Variants in CASP9 observed in about 807,000 individuals in gnomAD.
CASP9 encodes caspase 9.
CASP9 carries 29 observed loss-of-function variants against 43.5 expected under a neutral mutation model. The ratio of observed to expected loss-of-function variants is 0.67; its 90% CI spans 0.50 to 0.91. CASP9 has a LOEUF of 0.91. Ranked by LOEUF, CASP9 falls within the 40% of genes least tolerant of loss-of-function variation. The pLI is 0.00. For missense variants in CASP9, 575 were observed against 537.4 expected (o/e 1.07, Z -0.69); for synonymous variants, 206 against 211.9 (o/e 0.97, Z 0.24).
rs941120291 is a variant in CASP9 at position 15,495,525 on chromosome 1, G to A, written c.869-73C>T. 2.6e-5 allele frequency: 33 copies of A among 1,285,808 alleles called. No homozygotes were observed. The Admixed American group carries it at 3.0e-4, about 12-fold the overall frequency. 79.6% of individuals were successfully genotyped at this position (1,285,808 alleles called of 1,614,324 possible). A position where few individuals can be genotyped will look rare whatever the true frequency, so the allele number is the denominator to read the frequency against. ...AAGGATGGTTCAACATATGAAAGTC[G>A]GTGCAATATACTACATTAACAGTGT... On this transcript the variant is annotated intron_variant, in intron 6 of 8. Transcript: ENST00000333868.
intron 2 of CASP9, among the ~76,000 whole-genome samples, chr1:15,511,124 T>C (rs548659436): frequency 3.3e-5 from 5 of 152,018 alleles, no homozygotes; most frequent in Non-Finnish European, 5.9e-5. Flanking sequence ...AAAAAACAGG[T>C]GTCTACCTAG....
At chr1:15,501,621 C>T (rs960113278) in intron 6 of CASP9, among the ~76,000 whole-genome samples, 1 of 152,158 alleles carries the variant, frequency 6.6e-6, no homozygotes, top group African/African-American at 2.4e-5. Context: ...CACCAGGTCA[C>T]GCAGCCTGCG....
chr1:15,495,578 A>G (rs4646090), intron 6 of CASP9, 126 bp from the exon 7 acceptor site: 269,903 of 858,676 alleles, frequency 0.31, 44,520 homozygotes, highest in East Asian at 0.57. Flanking sequence ...TGGGACCCCA[A>G]ACTCATTAAG....
intron 2 of CASP9, among the ~76,000 whole-genome samples, chr1:15,516,495 A>AG (rs1288225976): frequency 6.6e-6 from 1 of 150,870 alleles, no homozygotes; most frequent in Non-Finnish European, 1.5e-5. Flanking sequence ...AAAAAAAAAA[A>AG]GACACAATTT....
chr1:15,512,308 G>A (rs1172817309), intron 2 of CASP9, among the ~76,000 whole-genome samples: 8 of 152,176 alleles, frequency 5.3e-5, no homozygotes, highest in Non-Finnish European at 1.2e-4. Context: ...CAGGGTGCCT[G>A]TGAGAGTGTT....
intron 1 of CASP9, among the ~76,000 whole-genome samples, chr1:15,522,983 C>T (rs887460158): frequency 2.0e-5 from 3 of 152,188 alleles, no homozygotes; most frequent in African/African-American, 4.8e-5. Flanking sequence ...TATTTAAAGA[C>T]TCTTTCCCTG....
chr1:15,507,733 G>A, intron 3 of CASP9, 140 bp downstream of exon 3: 1 of 740,046 alleles, frequency 1.4e-6, no homozygotes, highest in Non-Finnish European at 2.3e-6. Context: ...CGGAGTCAGG[G>A]AGGCTGAGAC....
chr1:15,494,946 G>A (rs562365721), intron 7 of CASP9, among the ~76,000 whole-genome samples: 19 of 151,126 alleles, frequency 1.3e-4, no homozygotes, highest in South Asian at 8.4e-4. Context: ...GCTCAGTGAC[G>A]TGCCAGCCAC....
chr1:15,522,645 G>A (rs1710249710), intron 1 of CASP9, among the ~76,000 whole-genome samples: 2 of 152,200 alleles, frequency 1.3e-5, no homozygotes, highest in South Asian at 4.1e-4. Context: ...AGCCCAGGAG[G>A]TCAAGGTCGC....
intron 2 of CASP9, among the ~76,000 whole-genome samples, chr1:15,511,406 AT>A (rs35550418): frequency 0.31 from 44,620 of 143,314 alleles, 7,063 homozygotes; most frequent in East Asian, 0.58. Flanking sequence ...ACCACACCTA[AT>A]TTTTTTTTTT....
chr1:15,502,567 C>T lies in CASP9; in HGVS notation c.868+2044G>A, dbSNP rs186465355. On this transcript the variant is annotated intron_variant, in intron 6 of 8. Coordinates refer to ENST00000333868, the MANE Select transcript of CASP9 (RefSeq NM_001229.5). ...GGAAGGCTGGGCCGTGCTGGGGACT[C>T]GGAGCATGCCAGGCTGGGGAAGGTG... 2.6e-3 allele frequency among the ~76,000 whole-genome samples: 402 copies of T among 151,862 alleles called. 1 individual carries two copies. The highest frequency in any genetic ancestry group is 9.2e-3 in the African/African-American group (383 of 41,428).
chr1:15,521,718 G>C (rs920681302), intron 1 of CASP9, among the ~76,000 whole-genome samples: 1 of 151,792 alleles, frequency 6.6e-6, no homozygotes, highest in Non-Finnish European at 1.5e-5. Context: ...CCAGGCATTC[G>C]GGGCCACTAC....
At chr1:15,512,721 C>T (rs1258022833) in intron 2 of CASP9, among the ~76,000 whole-genome samples, 4 of 151,818 alleles carry the variant, frequency 2.6e-5, no homozygotes, top group African/African-American at 7.3e-5. Flanking sequence ...TATATATATC[C>T]GTGTGTGTAT....
At chr1:15,507,826 AAGGGCCCAGAGCCCG>A in intron 3 of CASP9, 32 bp downstream of exon 3, 1 of 1,596,774 alleles carries the variant, frequency 6.3e-7, no homozygotes, top group South Asian at 1.1e-5. Context: ...GTGGGGAGGG[AAGGGCCCAGAGCCCG>A]AGCTACTGGC....
At chr1:15,524,432 G>T (rs1199452923), upstream of CASP9, 18 of 1,080,282 alleles carry the variant, frequency 1.7e-5, no homozygotes, top group Non-Finnish European at 1.8e-5. Context: ...GCCTCGCCCC[G>T]CCCCCAGGGC....
At chr1:15,495,511 A>C in intron 6 of CASP9, 59 bp from the exon 7 acceptor site, 1 of 1,423,348 alleles carries the variant, frequency 7.0e-7, no homozygotes, top group South Asian at 1.5e-5. Context: ...AGGATGGTTC[A>C]ACATATGAAA....
At chr1:15,507,981 C>G in intron 2 of CASP9, 74 bp from the exon 3 acceptor site, 2 of 1,487,078 alleles carry the variant, frequency 1.3e-6, no homozygotes, top group East Asian at 2.3e-5. Flanking sequence ...TCTGTGAGGA[C>G]AGCCCCCCAA....
chr1:15,508,234 G>C (rs1024647590), intron 2 of CASP9, among the ~76,000 whole-genome samples: 2 of 152,130 alleles, frequency 1.3e-5, no homozygotes, highest in Non-Finnish European at 2.9e-5. Flanking sequence ...CAGTTTGGTA[G>C]ATATACAAAT....
At chr1:15,510,953 G>A (rs930414910) in intron 2 of CASP9, among the ~76,000 whole-genome samples, 2 of 152,108 alleles carry the variant, frequency 1.3e-5, no homozygotes, top group African/African-American at 2.4e-5. Flanking sequence ...TCGTCCCTCC[G>A]AACCTATGCT....
Sources: allele counts gnomAD v4.1 joint callset (sites outside exome capture counted in the v4.1 genomes callset), GRCh38; gene constraint gnomAD v4.1.1; transcripts MANE v1.5; gene names NCBI Gene and HGNC (gene_info 2026-07-23, HGNC 2026-07-21).